The following PPP2R3C variants were observed in gnomAD, a reference collection of about 807,000 sequenced individuals.
The protein encoded by PPP2R3C is protein phosphatase 2 regulatory subunit B''gamma, also known as serine/threonine-protein phosphatase 2A regulatory subunit B'' subunit gamma.
A neutral mutation model predicts 63.7 loss-of-function variants in PPP2R3C; 47 were observed. The ratio of observed to expected loss-of-function variants is 0.74; its 90% CI spans 0.58 to 0.94. The LOEUF is 0.94. PPP2R3C is among the 40% of genes least tolerant of loss of function. PPP2R3C has a pLI of 0.00. For missense variants in PPP2R3C, 421 were observed against 518.4 expected, an observed-to-expected ratio of 0.81 and a Z score of 1.82; for synonymous variants, 180 against 177.4, an observed-to-expected ratio of 1.01 and a Z score of -0.12.
intron 1 of PPP2R3C, among the ~76,000 whole-genome samples, chr14:35,118,027 A>G (rs762582738): frequency 4.6e-4 from 70 of 152,262 alleles, no homozygotes; most frequent in African/African-American, 1.5e-3. Context: ...GACCAAACCT[A>G]TAAGTTAATT....
chr14:35,095,686 C>CAAACA (rs1555360934), intron 9 of PPP2R3C, among the ~76,000 whole-genome samples: 2 of 133,084 alleles, frequency 1.5e-5, no homozygotes, highest in African/African-American at 5.7e-5. Flanking sequence ...AAAAAAAAAA[C>CAAACA]AAAAAAAAAA....
intron 1 of PPP2R3C, among the ~76,000 whole-genome samples, chr14:35,121,607 G>A (rs192922586): frequency 2.6e-5 from 4 of 152,332 alleles, no homozygotes; most frequent in Non-Finnish European, 5.9e-5. Context: ...ATAGGTCCTG[G>A]TGGGGTTCAG....
chr14:35,107,823 C>T, intron 5 of PPP2R3C: 1 of 314,172 alleles, frequency 3.2e-6, no homozygotes, highest in Non-Finnish European at 5.6e-6. Context: ...AACTATCAGT[C>T]AACTCAACTT....
intron 1 of PPP2R3C, among the ~76,000 whole-genome samples, chr14:35,119,849 C>CTT (rs71121267): frequency 0.19 from 22,196 of 116,720 alleles, 2,963 homozygotes; most frequent in East Asian, 0.36. Context: ...GACAGTTCAT[C>CTT]TTTTTTTTTT....
chr14:35,110,825 G>A (rs1236827823), intron 2 of PPP2R3C, 196 bp from the exon 3 acceptor site: 6 of 514,382 alleles, frequency 1.2e-5, no homozygotes, highest in Non-Finnish European at 1.7e-5. Context: ...TCTCTGCCCT[G>A]AAAAAGCCAT....
At chr14:35,095,579 C>A (rs570426203) in intron 9 of PPP2R3C, among the ~76,000 whole-genome samples, 2 of 151,944 alleles carry the variant, frequency 1.3e-5, no homozygotes, top group African/African-American at 4.8e-5. Flanking sequence ...GTGGCTCACG[C>A]CGGTAATCCC....
chr14:35,107,198 C>A (rs1365993865), intron 6 of PPP2R3C, 106 bp downstream of exon 6: 5 of 806,352 alleles, frequency 6.2e-6, no homozygotes, highest in Non-Finnish European at 9.8e-6. Context: ...AGAAATAAAA[C>A]AAAGTATTAT....
chr14:35,115,417 C>T (rs1051544662), intron 2 of PPP2R3C, among the ~76,000 whole-genome samples: 1 of 151,642 alleles, frequency 6.6e-6, no homozygotes, highest in Admixed American at 6.6e-5. Flanking sequence ...ATTTGATGGC[C>T]TCCCAAAGTG....
intron 1 of PPP2R3C, among the ~76,000 whole-genome samples, chr14:35,119,025 G>A (rs1391823081): frequency 6.7e-6 from 1 of 150,038 alleles, no homozygotes; most frequent in Non-Finnish European, 1.5e-5. Flanking sequence ...GGAGAGGGAT[G>A]TGGGATCAAA....
At chr14:35,120,540 C>A (rs991630394) in intron 1 of PPP2R3C, among the ~76,000 whole-genome samples, 2 of 152,208 alleles carry the variant, frequency 1.3e-5, no homozygotes, top group South Asian at 2.1e-4. Context: ...CGACCGCGCC[C>A]GGCCGACTGC....
At chr14:35,108,366 C>CAA (rs2046427534) in intron 4 of PPP2R3C, 130 bp from the exon 5 acceptor site, 1 of 1,137,800 alleles carries the variant, frequency 8.8e-7, no homozygotes, top group South Asian at 2.2e-5. Flanking sequence ...CCTTATAATT[C>CAA]AAAAACTTAA....
intron 2 of PPP2R3C, among the ~76,000 whole-genome samples, chr14:35,114,244 T>C (rs1314933570): frequency 6.6e-6 from 1 of 152,226 alleles, no homozygotes; most frequent in Non-Finnish European, 1.5e-5. Context: ...CTGTTTACAT[T>C]GTTGGGTGAT....
intron 6 of PPP2R3C, among the ~76,000 whole-genome samples, chr14:35,104,477 T>TAATTAATTAA (rs2046288249): frequency 6.6e-6 from 1 of 152,146 alleles, no homozygotes; most frequent in Non-Finnish European, 1.5e-5. Flanking sequence ...CATGCCCAAC[T>TAATTAATTAA]CCCTTCCCCT....
At chr14:35,116,144 G>A (rs2046703664) in intron 2 of PPP2R3C, among the ~76,000 whole-genome samples, 1 of 151,884 alleles carries the variant, frequency 6.6e-6, no homozygotes, top group South Asian at 2.1e-4. Context: ...GGCTCAAAAT[G>A]TTTTATAATA....
chr14:35,108,382 TAA>T, intron 4 of PPP2R3C, 146 bp from the exon 5 acceptor site: 2 of 1,109,462 alleles, frequency 1.8e-6, no homozygotes, highest in Non-Finnish European at 2.4e-6. Context: ...CTTAAAATAT[TAA>T]GTCAAACTTT....
chr14:35,087,880 TA>T, intron 12 of PPP2R3C, 70 bp downstream of exon 12: 2 of 1,235,018 alleles, frequency 1.6e-6, no homozygotes, highest in Non-Finnish European at 2.4e-6. Context: ...TGCTTTCATA[TA>T]AAATTTCATG....
intron 6 of PPP2R3C, chr14:35,102,022 TC>T: frequency 1.0e-5 from 1 of 95,706 alleles, no homozygotes; most frequent in East Asian, 6.7e-4. Context: ...CCATGGTTTC[TC>T]TCTCTCTTTT....
In PPP2R3C at chr14:35,116,728, CTT is replaced by C; in HGVS notation, c.66_67del (p.Ser23Ter). ...TTCTTCATCTTTTAATTCTTGTTCA[CTT>C]TTTTTTTCTGGTAACAAAACAGATT... On this transcript the variant is annotated frameshift_variant, in exon 2 of 13. Transcript: ENST00000261475. LOFTEE classifies it high-confidence loss of function. 1.9e-6 allele frequency: 3 copies of C among 1,561,358 alleles called. No homozygotes were observed. Among genetic ancestry groups the C allele is most frequent in the Non-Finnish European group, 2.6e-6 (3 of 1,149,020 alleles).
intron 1 of PPP2R3C, among the ~76,000 whole-genome samples, chr14:35,119,099 G>A (rs1194142070): frequency 6.7e-6 from 1 of 148,938 alleles, no homozygotes; most frequent in African/African-American, 2.5e-5. Context: ...GAGCAGTGTC[G>A]TAATCTCAGC....
Sources: gnomAD v4.1 joint callset for allele counts (sites outside exome capture counted in the v4.1 genomes callset) on GRCh38, gnomAD v4.1.1 for gene constraint, MANE v1.5 for transcripts, NCBI Gene and HGNC (gene_info 2026-07-23, HGNC 2026-07-21) for gene names.